Variants in GALNT13 observed in about 807,000 individuals in gnomAD.
GALNT13 encodes the protein polypeptide N-acetylgalactosaminyltransferase 13.
Under a neutral mutation model 64.2 loss-of-function variants are expected in GALNT13, and 28 were observed. The observed-to-expected ratio is 0.44, with a 90% CI of 0.32 to 0.60. The LOEUF (loss-of-function observed/expected upper bound fraction) is 0.60. Among genes scored for constraint, GALNT13 ranks in the 20% least tolerant of loss-of-function variants. GALNT13 has a pLI of 0.05. For missense variants in GALNT13, 577 were observed against 669.8 expected, an observed-to-expected ratio of 0.86 and a Z score of 1.53; for synonymous variants, 214 against 224.6, an observed-to-expected ratio of 0.95 and a Z score of 0.42.
At chr2:153,115,612 C>T in the GALNT13 span, among the ~76,000 whole-genome samples, 1 of 152,064 alleles carries the variant, frequency 6.6e-6, no homozygotes, top group African/African-American at 2.4e-5. Flanking sequence ...GTTCTAAGAG[C>T]TCTGAGGGTA....
the GALNT13 span, among the ~76,000 whole-genome samples, chr2:153,497,019 AAG>A: frequency 6.6e-6 from 1 of 151,436 alleles, no homozygotes; most frequent in Non-Finnish European, 1.5e-5. Context: ...AAAAAGAAAA[AAG>A]AAAAAAAAGA....
chr2:153,402,715 C>T, the GALNT13 span, among the ~76,000 whole-genome samples: 9 of 152,172 alleles, frequency 5.9e-5, no homozygotes, highest in Non-Finnish European at 8.8e-5. Flanking sequence ...TCCTGTTGAT[C>T]GCATTGGCTC....
At chr2:154,294,751 T>C (rs1692820016) in intron 8 of GALNT13, among the ~76,000 whole-genome samples, 1 of 152,136 alleles carries the variant, frequency 6.6e-6, no homozygotes, top group Non-Finnish European at 1.5e-5. Context: ...GGACAAAAAT[T>C]AAGTGTGATC....
chr2:153,882,023 G>A (rs1686820128), intron 1 of GALNT13, among the ~76,000 whole-genome samples: 1 of 151,952 alleles, frequency 6.6e-6, no homozygotes, highest in Admixed American at 6.6e-5. Flanking sequence ...CAATAGATGA[G>A]TATCCATTTT....
In GALNT13 at chr2:154,142,459, G is replaced by T. The variant is rs1054494038; in HGVS notation, c.311+1954G>T. Among the ~76,000 whole-genome samples, 82 of 140,922 alleles carry T rather than the reference G, an allele frequency of 5.8e-4. 1 individual carries two copies. Among genetic ancestry groups the T allele is most frequent in the Non-Finnish European group, 7.4e-4 (49 of 66,210 alleles). The allele number at this position is 140,922 out of a possible 152,430, so 92.5% of individuals were successfully genotyped here. A position where few individuals can be genotyped will look rare whatever the true frequency, so the allele number is the denominator to read the frequency against. On this transcript the variant is annotated intron_variant, in intron 4 of 12. Coordinates refer to ENST00000392825, the MANE Select transcript of GALNT13 (RefSeq NM_052917.4). ...AGCTACTCAGGAGGCTGAGGCAGGA[G>T]AATTGCTTGAACCTGAGAGGCAGAA...
At chr2:154,118,438 G>C (rs1298250170) in intron 3 of GALNT13, among the ~76,000 whole-genome samples, 1 of 151,298 alleles carries the variant, frequency 6.6e-6, no homozygotes, top group African/African-American at 2.4e-5. Context: ...TCTCTTTTTA[G>C]TAACAGGTAG....
At chr2:153,520,923 T>C in the GALNT13 span, among the ~76,000 whole-genome samples, 6 of 152,188 alleles carry the variant, frequency 3.9e-5, no homozygotes, top group East Asian at 1.9e-4. Flanking sequence ...ATGGAGATAA[T>C]TGAATAGAGA....
At chr2:154,381,237 A>G (rs1465826526) in intron 9 of GALNT13, among the ~76,000 whole-genome samples, 2 of 151,966 alleles carry the variant, frequency 1.3e-5, no homozygotes, top group African/African-American at 4.8e-5. Context: ...CCAAATAAAA[A>G]CCACTTTTTA....
intron 4 of GALNT13, among the ~76,000 whole-genome samples, chr2:154,172,397 T>C (rs1042430702): frequency 6.6e-6 from 1 of 152,026 alleles, no homozygotes; most frequent in African/African-American, 2.4e-5. Context: ...TTATTCCTTC[T>C]ATCATACTGC....
the GALNT13 span, among the ~76,000 whole-genome samples, chr2:153,472,460 A>T: frequency 6.6e-6 from 1 of 152,132 alleles, no homozygotes; most frequent in Non-Finnish European, 1.5e-5. Context: ...TTGTGGTTCA[A>T]ATGGAAAGGA....
chr2:153,872,137 G>A lies in GALNT13; in HGVS notation c.-343G>A, dbSNP rs1685989685. On this transcript the variant is annotated 5_prime_UTR_variant, in exon 1 of 13. Transcript: ENST00000392825. ...GAAGAGAGAGGCGCGGGCGGGAGCC[G>A]GGGCTGCGCGCGGCGCTCGCGGGCC... The A allele has an allele frequency of 1.3e-5, 2 of 151,618 alleles. No homozygotes were observed. Among genetic ancestry groups the A allele is most frequent in the South Asian group, 2.1e-4 (1 of 4,826 alleles). 9.4% of individuals were successfully genotyped at this position (151,618 alleles called of 1,614,324 possible).
the GALNT13 span, chr2:153,593,063 T>TGGGCGAGAACA: frequency 6.6e-6 from 1 of 152,320 alleles, no homozygotes; most frequent in East Asian, 1.9e-4. Flanking sequence ...CAATTTGAAC[T>TGGGCGAGAACA]GGGTGAGAAC....
At chr2:153,300,602 A>T in the GALNT13 span, among the ~76,000 whole-genome samples, 1 of 152,210 alleles carries the variant, frequency 6.6e-6, no homozygotes, top group Non-Finnish European at 1.5e-5. Flanking sequence ...CAATGTCATT[A>T]CTTTGAATCA....
At chr2:154,035,052 A>G (rs1313416013) in intron 3 of GALNT13, among the ~76,000 whole-genome samples, 1 of 152,098 alleles carries the variant, frequency 6.6e-6, no homozygotes, top group Non-Finnish European at 1.5e-5. Flanking sequence ...CAAGAAACCC[A>G]CTACTGGGTA....
At chr2:153,823,689 C>A in the GALNT13 span, among the ~76,000 whole-genome samples, 1 of 152,150 alleles carries the variant, frequency 6.6e-6, no homozygotes, top group Non-Finnish European at 1.5e-5. Flanking sequence ...TAGTTAATAT[C>A]ATTCTGGACA....
the GALNT13 span, among the ~76,000 whole-genome samples, chr2:153,859,989 G>A: frequency 6.6e-6 from 1 of 152,226 alleles, no homozygotes; most frequent in Non-Finnish European, 1.5e-5. Flanking sequence ...TAACAAAAAT[G>A]TCAATCACTA....
At chr2:154,020,304 A>C (rs911157747) in intron 3 of GALNT13, among the ~76,000 whole-genome samples, 1 of 152,178 alleles carries the variant, frequency 6.6e-6, no homozygotes, top group African/African-American at 2.4e-5. Flanking sequence ...GAACTAGTTT[A>C]CAGTCTCACC....
At chr2:153,701,291 T>G in the GALNT13 span, among the ~76,000 whole-genome samples, 3 of 152,170 alleles carry the variant, frequency 2.0e-5, no homozygotes, top group South Asian at 6.2e-4. Flanking sequence ...TGGCTAGCCA[T>G]AAGCAGAAAA....
At chr2:153,157,609 C>T in the GALNT13 span, among the ~76,000 whole-genome samples, 2 of 152,094 alleles carry the variant, frequency 1.3e-5, no homozygotes, top group East Asian at 1.9e-4. Flanking sequence ...TTCAGAAGAC[C>T]AATCCTGGAT....
Sources: allele counts gnomAD v4.1 joint callset (sites outside exome capture counted in the v4.1 genomes callset), GRCh38; gene constraint gnomAD v4.1.1; transcripts MANE v1.5; gene names NCBI Gene and HGNC (gene_info 2026-07-23, HGNC 2026-07-21).